The following DPYSL5 variants were observed in gnomAD, a reference collection of about 807,000 sequenced individuals.
The protein encoded by DPYSL5 is dihydropyrimidinase like 5.
Under a neutral mutation model 58.4 loss-of-function variants are expected in DPYSL5, and 9 were observed. That is an observed-to-expected ratio of 0.15 (90% CI 0.09 to 0.27). The LOEUF (loss-of-function observed/expected upper bound fraction) is 0.27, where lower values mean the gene tolerates loss of function less well. DPYSL5 is among the 10% of genes least tolerant of loss of function. The probability of loss-of-function intolerance (pLI) is 1.00; values close to 1 mark genes in which losing one functional copy is unlikely to be tolerated. For synonymous variants in DPYSL5, 293 were observed against 301.9 expected (o/e 0.97, Z 0.31); for missense variants, 499 against 770.6 (o/e 0.65, Z 4.17).
chr2:26,926,727 A>G (rs574173533), intron 3 of DPYSL5, among the ~76,000 whole-genome samples: 6 of 152,346 alleles, frequency 3.9e-5, no homozygotes, highest in African/African-American at 1.4e-4. Flanking sequence ...GATGAACCTG[A>G]ACTTATTTTC....
chr2:26,927,121 G>C lies in DPYSL5; in HGVS notation c.421-132G>C, dbSNP rs190193270. 155 of 866,570 alleles carry C rather than the reference G, an allele frequency of 1.8e-4. No individual in the cohort carries two copies. In the African/African-American group the frequency reaches 2.3e-3, roughly 13 times the overall value. The allele number at this position is 866,570 out of a possible 1,614,324, so 53.7% of individuals were successfully genotyped here. ...TGGGGTGGGAGGAAAGTGAGATAGA[G>C]AGGTGTGGGGGGTCAACCGACAGAC... On this transcript the variant is annotated intron_variant, in intron 3 of 12. Coordinates refer to ENST00000288699, the MANE Select transcript of DPYSL5 (RefSeq NM_020134.4). This position sits in a 1 kb window ranked among gnomAD's most constrained non-coding sequence, Gnocchi z 4.3.
intron 1 of DPYSL5, among the ~76,000 whole-genome samples, chr2:26,876,182 G>A (rs547620529): frequency 4.6e-5 from 7 of 152,326 alleles, no homozygotes; most frequent in African/African-American, 1.2e-4. Flanking sequence ...TACAGAGGGT[G>A]TTCTGCTCCC....
rs143525593 is a variant in DPYSL5, at chr2:26,924,640, C to T, written c.262-247C>T. 6.6e-6 allele frequency among the ~76,000 whole-genome samples: 1 copy of T among 152,246 alleles called. No individual in the cohort carries two copies. Among genetic ancestry groups the T allele is most frequent in the Non-Finnish European group, 1.5e-5 (1 of 68,010 alleles). On this transcript the variant is annotated intron_variant, in intron 2 of 12. Coordinates refer to ENST00000288699, the MANE Select transcript of DPYSL5 (RefSeq NM_020134.4). This position sits in a 1 kb window ranked among gnomAD's most constrained non-coding sequence, Gnocchi z 4.7. ...GACCCACGATGTGGTTTTTCCAGCG[C>T]GCCAAGCTGAAACCCTGGCGGAGGA...
intron 1 of DPYSL5, among the ~76,000 whole-genome samples, chr2:26,866,732 CTTT>C (rs1298358466): frequency 4.5e-5 from 6 of 132,902 alleles, no homozygotes; most frequent in Admixed American, 7.5e-5. Flanking sequence ...AATTCTTCTT[CTTT>C]TTTTTTTTTT....
chr2:26,888,670 T>C (rs1663791248), intron 1 of DPYSL5, among the ~76,000 whole-genome samples: 3 of 152,162 alleles, frequency 2.0e-5, no homozygotes, highest in Admixed American at 6.5e-5. Flanking sequence ...GTTGTTTGCA[T>C]AGATAAAATA....
intron 1 of DPYSL5, among the ~76,000 whole-genome samples, chr2:26,883,674 C>T (rs1253504159): frequency 6.6e-6 from 1 of 152,202 alleles, no homozygotes; most frequent in Non-Finnish European, 1.5e-5. Context: ...GCTGAGATTA[C>T]AGGCATGAGC....
rs773579327 is a variant in DPYSL5 at position 26,944,835 on chromosome 2, G to A, written c.1609+11G>A. The A allele has an allele frequency of 6.2e-7, 1 of 1,612,904 alleles. No homozygotes were observed. The highest frequency in any genetic ancestry group is 8.5e-7 in the Non-Finnish European group (1 of 1,179,368). ...GCTTCAGCCTCTCTGGTAAGAGTCA[G>A]GGGGCCACGGGAGGAGGATGGGGGT... On this transcript the variant is annotated intron_variant, in intron 12 of 12. Transcript: ENST00000288699. This position sits in a 1 kb window ranked among gnomAD's most constrained non-coding sequence, Gnocchi z 4.4.
At chr2:26,908,334 A>C (rs935618976) in intron 2 of DPYSL5, among the ~76,000 whole-genome samples, 4 of 152,232 alleles carry the variant, frequency 2.6e-5, no homozygotes, top group Admixed American at 1.3e-4. Context: ...TAAATTCTAG[A>C]TAATTTTCTG....
At position 26,849,582 on chromosome 2, in the gene DPYSL5, A is replaced by C. The variant is rs1345996316; in HGVS notation, c.-5+1328A>C. ...TGTGATCTTCCGCGGCGCCCACGGC[A>C]CGCCCTTTTCTCGAGGAGCTGAAAG... On this transcript the variant is annotated intron_variant, in intron 1 of 12. Coordinates refer to ENST00000288699, the MANE Select transcript of DPYSL5 (RefSeq NM_020134.4). This position sits in a 1 kb window ranked among gnomAD's most constrained non-coding sequence, Gnocchi z 6.2. Among the ~76,000 whole-genome samples the C allele has an allele frequency of 6.6e-6, 1 of 152,154 alleles. No individual in the cohort carries two copies. Among genetic ancestry groups the C allele is most frequent in the African/African-American group, 2.4e-5 (1 of 41,442 alleles).
chr2:26,874,046 A>T (rs1663340666), intron 1 of DPYSL5, among the ~76,000 whole-genome samples: 1 of 152,046 alleles, frequency 6.6e-6, no homozygotes, highest in South Asian at 2.1e-4. Context: ...CTTATTTACT[A>T]CTTGTATCTT....
Position 26,928,687 on chromosome 2 carries a change from G to GTGTATATATATATATATATATATA in DPYSL5, c.669+365_669+366insGTATATATATATATATATATATAT, listed in dbSNP as rs143828804. ...ACTGCAATCCAGCCAAGGTGATAGA[G>GTGTATATATATATATATATATATA]TATATATATATATATATACACACAC... On this transcript the variant is annotated intron_variant, in intron 5 of 12. Coordinates refer to ENST00000288699, the MANE Select transcript of DPYSL5 (RefSeq NM_020134.4). Among the ~76,000 whole-genome samples, 45 of 60,680 alleles carry GTGTATATATATATATATATATATA rather than the reference G, an allele frequency of 7.4e-4. 9 individuals are homozygous for GTGTATATATATATATATATATATA. The highest frequency in any genetic ancestry group is 1.5e-3 in the South Asian group (2 of 1,358). The allele number at this position is 60,680 out of a possible 152,430, so 39.8% of individuals were successfully genotyped here.
At chr2:26,855,560 T>C (rs1665859404) in intron 1 of DPYSL5, among the ~76,000 whole-genome samples, 1 of 152,142 alleles carries the variant, frequency 6.6e-6, no homozygotes, top group Non-Finnish European at 1.5e-5. Flanking sequence ...CTGTCCACTT[T>C]CATTGGTTTG....
At chr2:26,852,419 G>A (rs1263569905) in intron 1 of DPYSL5, among the ~76,000 whole-genome samples, 1 of 152,168 alleles carries the variant, frequency 6.6e-6, no homozygotes, top group East Asian at 1.9e-4. Context: ...ATAAAAGTGG[G>A]CACAAATTAT....
chr2:26,855,982 A>C lies in DPYSL5; in HGVS notation c.-5+7728A>C, dbSNP rs995355618. 4.6e-5 allele frequency among the ~76,000 whole-genome samples: 7 copies of C among 152,306 alleles called. No individual in the cohort carries two copies. In the East Asian group the frequency reaches 1.2e-3, roughly 25 times the overall value. ...CGTGAAACACTTTCAACCTTAATGA[A>C]GTTACTTAAATTGTTTTAAGTTTGC... On this transcript the variant is annotated intron_variant, in intron 1 of 12. Transcript: ENST00000288699.
chr2:26,880,800 G>T (rs913965949), intron 1 of DPYSL5, among the ~76,000 whole-genome samples: 1 of 152,140 alleles, frequency 6.6e-6, no homozygotes, highest in Non-Finnish European at 1.5e-5. Context: ...CTTTCTCACC[G>T]CCATCTCCGT....
At chr2:26,915,325 A>G (rs992064925) in intron 2 of DPYSL5, among the ~76,000 whole-genome samples, 5 of 152,226 alleles carry the variant, frequency 3.3e-5, no homozygotes, top group Non-Finnish European at 7.3e-5. Context: ...AACCAAATCC[A>G]GGTCTGTCAG....
chr2:26,860,581 G>A (rs937826585), intron 1 of DPYSL5, among the ~76,000 whole-genome samples: 3 of 152,204 alleles, frequency 2.0e-5, no homozygotes, highest in Non-Finnish European at 2.9e-5. Flanking sequence ...TGAAAAATAG[G>A]AAGGGCTGTT....
intron 8 of DPYSL5, chr2:26,939,766 C>G (rs1410010294): frequency 5.0e-6 from 2 of 397,194 alleles, no homozygotes; most frequent in Non-Finnish European, 9.2e-6. Context: ...CTGCTATCTT[C>G]ACTCTTAAAC....
chr2:26,851,988 G>T (rs1270673638), intron 1 of DPYSL5, among the ~76,000 whole-genome samples: 1 of 152,112 alleles, frequency 6.6e-6, no homozygotes, highest in Non-Finnish European at 1.5e-5. Context: ...CATTTTCTTG[G>T]GGCATAGAAA....
Sources: allele counts gnomAD v4.1 joint callset (sites outside exome capture counted in the v4.1 genomes callset), GRCh38; gene constraint gnomAD v4.1.1; non-coding constraint Gnocchi (gnomAD v3.1); transcripts MANE v1.5; gene names NCBI Gene and HGNC (gene_info 2026-07-23, HGNC 2026-07-21).